BTK: variants seen among roughly 807,000 people sequenced by gnomAD.
BTK encodes the protein Bruton tyrosine kinase.
BTK carries 5 observed loss-of-function variants against 57.4 expected under a neutral mutation model. That is an observed-to-expected ratio of 0.09 (90% confidence interval 0.05 to 0.18). The LOEUF is 0.18. BTK is among the 10% of genes least tolerant of loss of function. BTK has a pLI of 1.00. For missense variants in BTK, 194 were observed against 501.2 expected (o/e 0.39, Z 5.85); for synonymous variants, 154 against 174.3 (o/e 0.88, Z 0.92).
chrX:101,380,129 C>A (rs1927362706), intron 1 of BTK, among the ~76,000 whole-genome samples: 2 of 111,232 alleles, frequency 1.8e-5, no homozygotes, highest in African/African-American at 6.5e-5. Flanking sequence ...TTTTTTGAGA[C>A]AGGGTCTCAC....
At chrX:101,369,876 A>C in intron 5 of BTK, 122 bp downstream of exon 5, 1 of 650,259 alleles carries the variant, frequency 1.5e-6, no homozygotes, top group Non-Finnish European at 2.3e-6. Flanking sequence ...TTTTCTCTCT[A>C]CGTTTCTCCT....
At chrX:101,351,733 G>A (rs1296672447) in intron 18 of BTK, among the ~76,000 whole-genome samples, 1 of 111,397 alleles carries the variant, frequency 9.0e-6, no homozygotes, top group African/African-American at 3.3e-5. Flanking sequence ...ATAGTAGTAG[G>A]ACAGATTTCC....
chrX:101,367,305 C>T (rs944090105), intron 5 of BTK, among the ~76,000 whole-genome samples: 2 of 109,008 alleles, frequency 1.8e-5, no homozygotes, highest in African/African-American at 3.3e-5. Context: ...TCCTTATCTT[C>T]GGTCATTACT....
chrX:101,372,768 T>C (rs1428374258), intron 3 of BTK, among the ~76,000 whole-genome samples: 2 of 106,229 alleles, frequency 1.9e-5, no homozygotes, highest in Non-Finnish European at 3.9e-5. Context: ...TTCTTGGCTG[T>C]CAAATTAACT....
At chrX:101,364,772 C>T (rs1178416510) in intron 5 of BTK, among the ~76,000 whole-genome samples, 3 of 109,213 alleles carry the variant, frequency 2.7e-5, no homozygotes, top group South Asian at 4.0e-4. Context: ...GACAGTGTCT[C>T]GCTCTGTTGC....
intron 18 of BTK, 109 bp downstream of exon 18, chrX:101,353,085 A>AAT: frequency 1.4e-6 from 1 of 711,390 alleles, no homozygotes; most frequent in Non-Finnish European, 2.1e-6. Flanking sequence ...AAAAAAAAAA[A>AAT]GGAAAAAAAA....
intron 9 of BTK, among the ~76,000 whole-genome samples, chrX:101,359,823 G>A (rs2147431523): frequency 9.4e-6 from 1 of 106,025 alleles, no homozygotes; most frequent in East Asian, 2.9e-4. Context: ...GATTCAGATG[G>A]TACTAATTTT....
intron 1 of BTK, among the ~76,000 whole-genome samples, chrX:101,382,878 C>T (rs1203052871): frequency 9.0e-6 from 1 of 111,221 alleles, no homozygotes; most frequent in African/African-American, 3.3e-5. Flanking sequence ...CAAAATAACA[C>T]ACGCAGCTGG....
At chrX:101,386,453 G>A (rs1927612719), upstream of BTK, among the ~76,000 whole-genome samples, 1 of 110,264 alleles carries the variant, frequency 9.1e-6, no homozygotes, top group South Asian at 4.0e-4. Context: ...AGGTCATCAA[G>A]CTATCCTCCC....
chrX:101,388,673 C>T (rs1927691835), upstream of BTK, among the ~76,000 whole-genome samples: 1 of 111,587 alleles, frequency 9.0e-6, no homozygotes, highest in Non-Finnish European at 1.9e-5. Flanking sequence ...AATTGGGCCC[C>T]AAATTTGAAC....
Position 101,356,105 on chromosome X carries a change from C to T in BTK, c.1513G>A (p.Val505Ile), listed in dbSNP as rs1603004514. 8.3e-7 allele frequency: 1 copy of T among 1,209,544 alleles called. No individual in the cohort carries two copies. ...TCCAGGTATTCCATGGCTTCACAGA[C>T]ATCCTTGCACATCTCTAGCAGCTGC... is the stretch of plus-strand genomic sequence containing the variant. ...TQQLLEMCKD[V>I]CEAMEYLESK... The change falls in exon 15 of 19, where the codon GTC (valine) becomes ATC (isoleucine). Residue 505 changes from valine (V) to isoleucine (I), a missense_variant. Physicochemically the swap from Val to Ile is conservative, Grantham distance 29. Transcript: ENST00000308731.
chrX:101,370,333 A>G (rs1049240766), intron 4 of BTK, among the ~76,000 whole-genome samples: 7 of 111,927 alleles, frequency 6.3e-5, no homozygotes. Flanking sequence ...TTGTGCTTCA[A>G]TTCATGCATA....
Position 101,354,701 on chromosome X carries a change from T to C in BTK, c.1567-7A>G. The C allele has an allele frequency of 1.7e-6, 2 of 1,210,025 alleles. No homozygotes were observed. Among genetic ancestry groups the C allele is most frequent in the Non-Finnish European group, 2.2e-6 (2 of 894,056 alleles). ...CCAAACAGTTTCGAGCTGCCTGTAG[T>C]GCAAACAGAGACCAGTGAGACTCCG... is the stretch of plus-strand genomic sequence containing the variant. On this transcript the variant is annotated splice_region_variant and splice_polypyrimidine_tract_variant and intron_variant, in intron 15 of 18. Coordinates refer to ENST00000308731, the MANE Select transcript of BTK (RefSeq NM_000061.3).
intron 7 of BTK, among the ~76,000 whole-genome samples, chrX:101,361,843 C>T (rs782568305): frequency 5.8e-4 from 65 of 111,902 alleles, no homozygotes; most frequent in Non-Finnish European, 1.0e-3. Context: ...TGCAGTGAGC[C>T]GAGATCATGC....
upstream of BTK, among the ~76,000 whole-genome samples, chrX:101,387,888 A>G (rs1395141331): frequency 9.9e-6 from 1 of 100,658 alleles, no homozygotes; most frequent in African/African-American, 3.8e-5. Context: ...TTTTTTTGAG[A>G]CGGAGTCTTG....
intron 8 of BTK, among the ~76,000 whole-genome samples, 166 bp downstream of exon 8, chrX:101,360,402 A>T (rs1926623366): frequency 8.9e-6 from 1 of 112,180 alleles, no homozygotes; most frequent in Admixed American, 9.5e-5. Context: ...GAGGCCATGT[A>T]TAGGGAGCTG....
At chrX:101,381,763 C>T (rs1927434333) in intron 1 of BTK, among the ~76,000 whole-genome samples, 1 of 111,047 alleles carries the variant, frequency 9.0e-6, no homozygotes, top group African/African-American at 3.3e-5. Flanking sequence ...CGTGTGGTAG[C>T]TCATGCCTGT....
At position 101,378,528 on chromosome X, in the gene BTK, GACACAC is replaced by G. The variant is rs72139259; in HGVS notation, c.-30-3220_-30-3215del. On this transcript the variant is annotated intron_variant, in intron 1 of 18. Coordinates refer to ENST00000308731, the MANE Select transcript of BTK (RefSeq NM_000061.3). Reference sequence around the variant, plus strand: ...GTGACTTGAATGTCTCAAACATACAGACACACACACACACACACACACACACACACA... The same window carrying G: ...GTGACTTGAATGTCTCAAACATACAGACACACACACACACACACACACACA... 3.2e-3 allele frequency among the ~76,000 whole-genome samples: 303 copies of G among 95,329 alleles called. 2 individuals carry two copies. The highest frequency in any genetic ancestry group is 0.011 in the Middle Eastern group (2 of 185). The allele number at this position is 95,329 out of a possible 115,157, so 82.8% of individuals were successfully genotyped here.
chrX:101,369,364 A>G (rs1555979958), intron 5 of BTK, among the ~76,000 whole-genome samples: 1 of 112,314 alleles, frequency 8.9e-6, no homozygotes, highest in Admixed American at 9.5e-5. Flanking sequence ...AGCATCAAAG[A>G]AGCTTGTTGG....
Sources: allele counts gnomAD v4.1 joint callset (sites outside exome capture counted in the v4.1 genomes callset), GRCh38; gene constraint gnomAD v4.1.1; transcripts MANE v1.5; gene names NCBI Gene and HGNC (gene_info 2026-07-23, HGNC 2026-07-21).